ZNF385B: variants seen among roughly 807,000 people sequenced by gnomAD.
ZNF385B encodes zinc finger protein 533.
In ZNF385B, 23 loss-of-function variants were observed where a neutral mutation model predicts 39.2. That is an observed-to-expected ratio of 0.59 (90% CI 0.42 to 0.83). The LOEUF (loss-of-function observed/expected upper bound fraction) is 0.83. Ranked by LOEUF, ZNF385B falls within the 40% of genes least tolerant of loss-of-function variation. The pLI, the probability that ZNF385B is intolerant of heterozygous loss-of-function variation, is 0.00. For missense variants in ZNF385B, 552 were observed against 598.9 expected (o/e 0.92, Z 0.82); for synonymous variants, 205 against 222.6 (o/e 0.92, Z 0.70).
chr2:179,696,067 A>G (rs747051590), intron 3 of ZNF385B, among the ~76,000 whole-genome samples: 86 of 152,306 alleles, frequency 5.6e-4, no homozygotes, highest in African/African-American at 1.8e-3. Context: ...AGGAAAATCT[A>G]TAGAGACAGA....
intron 3 of ZNF385B, among the ~76,000 whole-genome samples, chr2:179,630,715 C>A (rs1362111405): frequency 6.6e-6 from 1 of 152,182 alleles, no homozygotes; most frequent in South Asian, 2.1e-4. Context: ...CGGTCATAAA[C>A]TTCTCCGAGC....
Position 179,730,211 on chromosome 2 carries a change from G to A in ZNF385B, c.298+39292C>T, listed in dbSNP as rs368637612. 5.9e-5 allele frequency among the ~76,000 whole-genome samples: 9 copies of A among 152,216 alleles called. No individual in the cohort carries two copies. In the Middle Eastern group the frequency reaches 0.01, roughly 173 times the overall value. ...ATGAGGTAACACTAAGTTTATGCCC[G>A]GGTCCTGGCTTAATCATTAATAACT... On this transcript the variant is annotated intron_variant, in intron 3 of 9. Transcript: ENST00000410066.
chr2:179,483,370 G>T lies in ZNF385B; in HGVS notation c.617C>A (p.Thr206Lys). Residue 206 changes from threonine (T) to lysine (K), a missense_variant, in exon 6 of 10, where the codon ACG (threonine) becomes AAG (lysine). By Grantham distance (78) the Thr-to-Lys change is moderately conservative (BLOSUM62 -1). Transcript: ENST00000410066. ...AGGAACCATTTTGGGTTTATTTTTC[G>T]TTGCGTCTAGTGCTTTGACCTTCTT... ...HAKKVKALDA[T>K]KNKPKMVPSK... The T allele has an allele frequency of 6.2e-7, 1 of 1,613,978 alleles. No homozygotes were observed.
intron 3 of ZNF385B, among the ~76,000 whole-genome samples, chr2:179,602,292 G>T (rs977509215): frequency 9.2e-5 from 14 of 152,152 alleles, no homozygotes; most frequent in African/African-American, 3.4e-4. Flanking sequence ...GTCGCCCTGG[G>T]TTCAAGCGAT....
chr2:179,569,413 C>T (rs1684960134), intron 3 of ZNF385B, among the ~76,000 whole-genome samples: 1 of 152,128 alleles, frequency 6.6e-6, no homozygotes, highest in African/African-American at 2.4e-5. Context: ...TACTTCACAG[C>T]AAGTAACTTT....
At chr2:179,668,656 T>C (rs1695506655) in intron 3 of ZNF385B, among the ~76,000 whole-genome samples, 1 of 151,542 alleles carries the variant, frequency 6.6e-6, no homozygotes, top group African/African-American at 2.4e-5. Flanking sequence ...CTATATTTGA[T>C]TAGTTTCTGC....
At chr2:179,585,160 A>G (rs1019698077) in intron 3 of ZNF385B, among the ~76,000 whole-genome samples, 1 of 152,246 alleles carries the variant, frequency 6.6e-6, no homozygotes, top group South Asian at 2.1e-4. Context: ...GACATTTGGC[A>G]GAAAGTAATG....
chr2:179,742,988 C>A (rs1029431456), intron 3 of ZNF385B, among the ~76,000 whole-genome samples: 6 of 152,050 alleles, frequency 3.9e-5, no homozygotes, highest in African/African-American at 1.4e-4. Context: ...AGACTTCAGG[C>A]AGATATGCCA....
intron 3 of ZNF385B, among the ~76,000 whole-genome samples, chr2:179,556,212 A>G (rs1279367870): frequency 6.7e-6 from 1 of 149,306 alleles, no homozygotes; most frequent in Non-Finnish European, 1.5e-5. Flanking sequence ...AAAAAAATGG[A>G]TAAGATTTAT....
chr2:179,709,943 G>A lies in ZNF385B; in HGVS notation c.298+59560C>T, dbSNP rs571226770. On this transcript the variant is annotated intron_variant, in intron 3 of 9. Coordinates refer to ENST00000410066, the MANE Select transcript of ZNF385B (RefSeq NM_152520.6). ...ACTAGTGCAGCTGTGTGTGACCTAC[G>A]GCATCCCCACGGATTTCAACAGTAA... Among the ~76,000 whole-genome samples, 5 of 152,210 alleles carry A rather than the reference G, an allele frequency of 3.3e-5. No individual in the cohort carries two copies. In the South Asian group the frequency reaches 6.2e-4, roughly 19 times the overall value.
intron 3 of ZNF385B, among the ~76,000 whole-genome samples, chr2:179,592,785 A>C (rs2106076760): frequency 6.6e-6 from 1 of 152,296 alleles, no homozygotes; most frequent in East Asian, 1.9e-4. Flanking sequence ...TAAACTGCTC[A>C]TGGAAGGTTT....
chr2:179,713,988 C>A (rs936404132), intron 3 of ZNF385B, among the ~76,000 whole-genome samples: 1 of 152,144 alleles, frequency 6.6e-6, no homozygotes, highest in African/African-American at 2.4e-5. Flanking sequence ...AAATACTTAT[C>A]ATGTCAGGAA....
chr2:179,838,982 C>A (rs1165971441), intron 1 of ZNF385B, among the ~76,000 whole-genome samples: 1 of 151,674 alleles, frequency 6.6e-6, no homozygotes, highest in Non-Finnish European at 1.5e-5. Flanking sequence ...TTAGCCCCGG[C>A]ACTATATATT....
intron 3 of ZNF385B, among the ~76,000 whole-genome samples, chr2:179,630,235 C>A (rs1400837047): frequency 6.6e-6 from 1 of 152,240 alleles, no homozygotes; most frequent in Non-Finnish European, 1.5e-5. Context: ...GACTCCTGTG[C>A]AGCCTAACTG....
chr2:179,771,353 A>G (rs977704686), intron 1 of ZNF385B, among the ~76,000 whole-genome samples: 2 of 152,180 alleles, frequency 1.3e-5, no homozygotes, highest in African/African-American at 4.8e-5. Context: ...TATGCCAAAA[A>G]ATCTCCTTGT....
chr2:179,816,654 G>C (rs918827107), intron 1 of ZNF385B, among the ~76,000 whole-genome samples: 1 of 152,118 alleles, frequency 6.6e-6, no homozygotes, highest in African/African-American at 2.4e-5. Flanking sequence ...TCAAATAGAA[G>C]TTCAATGTTT....
chr2:179,831,296 A>G (rs1231368891), intron 1 of ZNF385B, among the ~76,000 whole-genome samples: 2 of 152,216 alleles, frequency 1.3e-5, no homozygotes, highest in East Asian at 3.8e-4. Flanking sequence ...CTTATGAGGT[A>G]GGTATCCTTG....
At chr2:179,507,951 T>TTA (rs1469741175) in intron 5 of ZNF385B, among the ~76,000 whole-genome samples, 1 of 152,198 alleles carries the variant, frequency 6.6e-6, no homozygotes, top group Non-Finnish European at 1.5e-5. Flanking sequence ...CTAAAGTTCA[T>TTA]GGCTTCCAGG....
intron 6 of ZNF385B, among the ~76,000 whole-genome samples, chr2:179,468,975 TA>T: frequency 6.6e-6 from 1 of 152,260 alleles, no homozygotes; most frequent in South Asian, 2.1e-4. Flanking sequence ...AAGCCAATTA[TA>T]AAAAAATTCT....
Sources: gnomAD v4.1 joint callset for allele counts (sites outside exome capture counted in the v4.1 genomes callset) on GRCh38, gnomAD v4.1.1 for gene constraint, MANE v1.5 for transcripts, NCBI Gene and HGNC (gene_info 2026-07-23, HGNC 2026-07-21) for gene names.